PSMD9: variants seen among roughly 807,000 people sequenced by gnomAD.
PSMD9 encodes the protein 26S proteasome non-ATPase regulatory subunit 9.
Under a neutral mutation model 25.9 loss-of-function variants are expected in PSMD9, and 26 were observed. The ratio of observed to expected loss-of-function variants is 1.00; its 90% CI spans 0.73 to 1.39. The LOEUF (loss-of-function observed/expected upper bound fraction) is 1.39. Ranked by LOEUF, PSMD9 falls within the 40% of genes most tolerant of loss-of-function variation. The probability of loss-of-function intolerance (pLI) is 0.00; values close to 1 mark genes in which losing one functional copy is unlikely to be tolerated. For missense variants in PSMD9, 303 were observed against 299.3 expected, an observed-to-expected ratio of 1.01 and a Z score of -0.09; for synonymous variants, 110 against 114.5, an observed-to-expected ratio of 0.96 and a Z score of 0.25.
At chr12:121,904,074 G>GGCCAA (rs1323396187) in intron 4 of PSMD9, among the ~76,000 whole-genome samples, 1 of 152,028 alleles carries the variant, frequency 6.6e-6, no homozygotes, top group Admixed American at 6.6e-5. Flanking sequence ...CATCAGTGCA[G>GGCCAA]GCCAGGCCAG....
chr12:121,889,164 T>C (rs920691060), intron 1 of PSMD9, among the ~76,000 whole-genome samples, 170 bp downstream of exon 1: 1 of 152,238 alleles, frequency 6.6e-6, no homozygotes, highest in Admixed American at 6.5e-5. Context: ...CAAAGAACTT[T>C]AGCAACTGAA....
At chr12:121,892,400 C>T (rs1252541066) in intron 1 of PSMD9, among the ~76,000 whole-genome samples, 2 of 151,308 alleles carry the variant, frequency 1.3e-5, no homozygotes, top group Non-Finnish European at 2.9e-5. Context: ...CCTATCTTTA[C>T]AAAAAATTCA....
In PSMD9 at chr12:121,899,487, T is replaced by A; in HGVS notation, c.242-147T>A. The A allele has an allele frequency of 4.3e-6, 3 of 691,314 alleles. No homozygotes were observed. The South Asian group carries it at 5.7e-5, about 13-fold the overall frequency. 42.8% of individuals were successfully genotyped at this position (691,314 alleles called of 1,614,324 possible). A position where few individuals can be genotyped will look rare whatever the true frequency, so the allele number is the denominator to read the frequency against. On this transcript the variant is annotated intron_variant, in intron 2 of 5. Transcript: ENST00000541212. ...GGACTGAATGCTCCATGAGGGAATGTCCTCTGTCTTGGTCAGAGACTCCTT... is the reference window on the plus strand; with the variant it reads ...GGACTGAATGCTCCATGAGGGAATGACCTCTGTCTTGGTCAGAGACTCCTT...
intron 4 of PSMD9, among the ~76,000 whole-genome samples, chr12:121,906,312 CAG>C (rs1395920093): frequency 6.6e-6 from 1 of 152,080 alleles, no homozygotes; most frequent in Non-Finnish European, 1.5e-5. Flanking sequence ...CTCATCCCCT[CAG>C]GGGACCTGAG....
chr12:121,895,785 G>A (rs976738670), intron 2 of PSMD9, among the ~76,000 whole-genome samples: 1 of 152,146 alleles, frequency 6.6e-6, no homozygotes, highest in East Asian at 1.9e-4. Flanking sequence ...GAATCTTAAG[G>A]TCCTTAATCA....
chr12:121,912,550 A>C (rs1488648866), intron 4 of PSMD9, among the ~76,000 whole-genome samples: 1 of 151,962 alleles, frequency 6.6e-6, no homozygotes, highest in African/African-American at 2.4e-5. Context: ...CTTTTTGATC[A>C]TTTGTATATC....
intron 4 of PSMD9, among the ~76,000 whole-genome samples, chr12:121,908,554 G>T (rs1039107102): frequency 2.0e-5 from 3 of 152,120 alleles, no homozygotes; most frequent in African/African-American, 4.8e-5. Context: ...TGGGTCCTGG[G>T]CGAGGTACTG....
chr12:121,910,852 C>G, intron 4 of PSMD9: 1 of 428,938 alleles, frequency 2.3e-6, no homozygotes, highest in Non-Finnish European at 4.7e-6. Context: ...ATCACCCCTA[C>G]CCATCTCCCA....
intron 2 of PSMD9, chr12:121,899,420 C>T (rs1396179904): frequency 1.8e-6 from 1 of 568,538 alleles, no homozygotes; most frequent in African/African-American, 1.9e-5. Flanking sequence ...CTGCAGTCAT[C>T]AGATGTTATT....
chr12:121,912,924 A>ATTTTC (rs1230838650), intron 4 of PSMD9, among the ~76,000 whole-genome samples: 1 of 145,538 alleles, frequency 6.9e-6, no homozygotes, highest in Non-Finnish European at 1.5e-5. Context: ...TCCTTTGCTC[A>ATTTTC]TTTTCTTTTC....
intron 4 of PSMD9, among the ~76,000 whole-genome samples, chr12:121,912,976 A>T (rs12369201): frequency 2.1e-5 from 3 of 144,906 alleles, no homozygotes; most frequent in Non-Finnish European, 4.5e-5. Flanking sequence ...TCGCTCTGTC[A>T]CCCAGGCTGG....
intron 1 of PSMD9, among the ~76,000 whole-genome samples, chr12:121,892,202 AAGAC>A (rs1471935340): frequency 3.3e-5 from 5 of 152,148 alleles, no homozygotes; most frequent in East Asian, 3.9e-4. Context: ...CAATAATAAA[AAGAC>A]AGCCAATTAG....
At chr12:121,908,230 G>C (rs1346496173) in intron 4 of PSMD9, 1 of 151,356 alleles carries the variant, frequency 6.6e-6, no homozygotes, top group African/African-American at 2.4e-5. Flanking sequence ...CCAGGCTGGA[G>C]TGCAGTGGCG....
intron 4 of PSMD9, among the ~76,000 whole-genome samples, chr12:121,911,518 G>A (rs1440119298): frequency 6.6e-6 from 1 of 152,104 alleles, no homozygotes; most frequent in Non-Finnish European, 1.5e-5. Context: ...GAACAATGCT[G>A]CTTTGAACAT....
rs539011409 is a variant in PSMD9, at chr12:121,902,588, T to C, written c.454-418T>C. The C allele has an allele frequency of 8.0e-5, 15 of 187,496 alleles. No homozygotes were observed. In the South Asian group the frequency reaches 1.6e-3, roughly 20 times the overall value. The allele number at this position is 187,496 out of a possible 1,614,324, so 11.6% of individuals were successfully genotyped here. On this transcript the variant is annotated intron_variant, in intron 3 of 5. Coordinates refer to ENST00000541212, the MANE Select transcript of PSMD9 (RefSeq NM_002813.7). ...TGCGCCCTGTGCCTGTGGCTGCTTG[T>C]CTGGGGGCTTCTAGGGCAAGTGTCT...
At chr12:121,912,898 G>A (rs1037589068) in intron 4 of PSMD9, among the ~76,000 whole-genome samples, 2 of 144,266 alleles carry the variant, frequency 1.4e-5, no homozygotes, top group Non-Finnish European at 3.1e-5. Flanking sequence ...GAAAGAAAAA[G>A]AAAGGTCTAT....
intron 4 of PSMD9, among the ~76,000 whole-genome samples, chr12:121,905,732 A>G (rs1879536653): frequency 6.6e-6 from 1 of 151,206 alleles, no homozygotes; most frequent in African/African-American, 2.4e-5. Context: ...GGGTTTCAGC[A>G]TGTTGGCCAG....
At chr12:121,905,630 C>T (rs1251591007) in intron 4 of PSMD9, among the ~76,000 whole-genome samples, 1 of 151,686 alleles carries the variant, frequency 6.6e-6, no homozygotes, top group African/African-American at 2.4e-5. Flanking sequence ...CAGGTTCAAG[C>T]GATTCTCCAG....
chr12:121,913,701 T>C (rs1879808696), intron 4 of PSMD9, among the ~76,000 whole-genome samples: 1 of 151,788 alleles, frequency 6.6e-6, no homozygotes, highest in Admixed American at 6.6e-5. Context: ...GATCTCTCTT[T>C]GTTGCCGGGC....
Sources: gnomAD v4.1 joint callset for allele counts (sites outside exome capture counted in the v4.1 genomes callset) on GRCh38, gnomAD v4.1.1 for gene constraint, MANE v1.5 for transcripts, NCBI Gene and HGNC (gene_info 2026-07-23, HGNC 2026-07-21) for gene names.